TTC9: variants seen among roughly 807,000 people sequenced by gnomAD.
TTC9 encodes the protein tetratricopeptide repeat protein 9A.
Under a neutral mutation model 22.9 loss-of-function variants are expected in TTC9, and 13 were observed. The observed-to-expected ratio is 0.57, with a 90% confidence interval of 0.37 to 0.90. The LOEUF (loss-of-function observed/expected upper bound fraction) is 0.90. TTC9 is among the 40% of genes least tolerant of loss of function. The pLI is 0.01. For missense variants in TTC9, 280 were observed against 291.8 expected (o/e 0.96, Z 0.29); for synonymous variants, 148 against 133.2 (o/e 1.11, Z -0.77).
At chr14:70,657,945 G>A (rs962400259) in intron 1 of TTC9, among the ~76,000 whole-genome samples, 6 of 152,162 alleles carry the variant, frequency 3.9e-5, no homozygotes, top group East Asian at 1.9e-4. Flanking sequence ...CAGCTTGGGC[G>A]ACAGAGCGAG....
chr14:70,660,950 C>G (rs561704025), intron 1 of TTC9, among the ~76,000 whole-genome samples: 1 of 152,320 alleles, frequency 6.6e-6, no homozygotes, highest in East Asian at 1.9e-4. Flanking sequence ...CAGTGACTAG[C>G]AAGGTATATT....
intron 1 of TTC9, among the ~76,000 whole-genome samples, chr14:70,645,232 G>A (rs997484259): frequency 3.3e-5 from 5 of 152,198 alleles, no homozygotes; most frequent in Non-Finnish European, 5.9e-5. Context: ...CAGCTAATAG[G>A]AAAGTATCCT....
intron 1 of TTC9, among the ~76,000 whole-genome samples, chr14:70,651,503 C>T (rs1024148881): frequency 1.3e-5 from 2 of 151,722 alleles, no homozygotes; most frequent in African/African-American, 4.9e-5. Context: ...CAACATTATC[C>T]CACAAAAAAA....
intron 1 of TTC9, among the ~76,000 whole-genome samples, chr14:70,659,956 G>A (rs1566699628): frequency 6.6e-6 from 1 of 152,236 alleles, no homozygotes; most frequent in African/African-American, 2.4e-5. Context: ...AATACTAGAA[G>A]CTAGAATAGA....
In TTC9 at chr14:70,642,345, A is replaced by G; in HGVS notation, c.216A>G (p.Lys72=). ...SQGAQCYKDK[K]FREAIGKYHR... ...GGGCGCAGTGCTACAAGGACAAGAA[A>G]TTCCGTGAAGCCATAGGCAAATACC... Residue 72 remains lysine, a synonymous_variant, in exon 1 of 3, where the codon AAA becomes AAG. Transcript: ENST00000256367. 1 of 1,601,192 alleles carries G rather than the reference A, an allele frequency of 6.2e-7. No individual in the cohort carries two copies. The highest frequency in any genetic ancestry group is 8.5e-7 in the Non-Finnish European group (1 of 1,174,786).
chr14:70,663,098 C>A (rs963230108), intron 1 of TTC9, among the ~76,000 whole-genome samples: 8 of 152,204 alleles, frequency 5.3e-5, no homozygotes, highest in Non-Finnish European at 8.8e-5. Flanking sequence ...TCTTGCCTCA[C>A]AATGAAGTCC....
At position 70,642,192 on chromosome 14, in the gene TTC9, G is replaced by T; in HGVS notation, c.63G>T (p.Glu21Asp). 4.9e-6 allele frequency: 6 copies of T among 1,226,112 alleles called. No individual in the cohort carries two copies. Among genetic ancestry groups the T allele is most frequent in the Non-Finnish European group, 6.1e-6 (6 of 977,910 alleles). The allele number at this position is 1,226,112 out of a possible 1,614,324, so 76.0% of individuals were successfully genotyped here. A position where few individuals can be genotyped will look rare whatever the true frequency, so the allele number is the denominator to read the frequency against. Residue 21 changes from glutamate (E) to aspartate (D), a missense_variant, in exon 1 of 3, where the codon GAG becomes GAT. Physicochemically the swap from Glu to Asp is conservative, Grantham distance 45. Transcript: ENST00000256367. ...ACCCGAGCCCGCCCGCGGCCGGAGA[G>T]GGGCAGCGGCCACCGCCGCCGCTGT... ...KGNPSPPAAG[E>D]GQRPPPPLCV... is the part of the protein sequence containing the mutation.
intron 1 of TTC9, among the ~76,000 whole-genome samples, chr14:70,652,472 A>G (rs1410982798): frequency 4.6e-5 from 7 of 152,260 alleles, no homozygotes; most frequent in Admixed American, 4.6e-4. Context: ...TTGCTGCTGT[A>G]TCTCCCTAGA....
intron 1 of TTC9, among the ~76,000 whole-genome samples, chr14:70,647,630 C>T (rs1350625465): frequency 6.6e-6 from 1 of 152,140 alleles, no homozygotes; most frequent in Non-Finnish European, 1.5e-5. Flanking sequence ...TCATGGGGCT[C>T]CTAGAATTCT....
At chr14:70,653,703 TC>T (rs1886017512) in intron 1 of TTC9, among the ~76,000 whole-genome samples, 1 of 143,450 alleles carries the variant, frequency 7.0e-6, no homozygotes, top group Non-Finnish European at 1.5e-5. Context: ...GCCCCAGGAT[TC>T]CCCCTGACCC....
intron 2 of TTC9, among the ~76,000 whole-genome samples, chr14:70,668,507 T>C (rs971424411): frequency 6.6e-6 from 1 of 152,068 alleles, no homozygotes. Context: ...ATGAAATACT[T>C]AGTAGTAATA....
chr14:70,654,587 C>CAAAAAAAAAAAAAAAAAAAAAAAAAAA (rs61046584), intron 1 of TTC9, among the ~76,000 whole-genome samples: 6 of 57,166 alleles, frequency 1.0e-4, no homozygotes, highest in Non-Finnish European at 1.9e-4. Flanking sequence ...GGCTCTGTCT[C>CAAAAAAAAAAAAAAAAAAAAAAAAAAA]AAAAAAAAAA....
At chr14:70,660,453 T>TATTTG (rs1219719911) in intron 1 of TTC9, among the ~76,000 whole-genome samples, 1 of 152,236 alleles carries the variant, frequency 6.6e-6, no homozygotes, top group African/African-American at 2.4e-5. Context: ...GGGCAAACCA[T>TATTTG]ATTTGATAAG....
At chr14:70,652,950 T>C (rs1886007122) in intron 1 of TTC9, among the ~76,000 whole-genome samples, 1 of 152,134 alleles carries the variant, frequency 6.6e-6, no homozygotes, top group African/African-American at 2.4e-5. Flanking sequence ...TCAGAAAACC[T>C]GAGGGGTAAT....
At position 70,642,533 on chromosome 14, in the gene TTC9, C is replaced by T; in HGVS notation, c.404C>T (p.Ala135Val). ...GAGATCGACTGTTACAACAGCCTGG[C>T]AGGTGAGCCGCGCCGCGCCCCCCGC... ...AIEIDCYNSLAACLLQAELVN... is the reference protein window; with the variant it reads ...AIEIDCYNSLVACLLQAELVN... The change falls in exon 1 of 3, where the codon GCA becomes GTA. Residue 135 changes from alanine (A) to valine (V), a missense_variant and splice_region_variant. This residue lies in a region of TTC9 where 165 missense variants were observed against 145.4 expected (regional missense o/e 1.14). Transcript: ENST00000256367. 6.5e-7 allele frequency: 1 copy of T among 1,537,906 alleles called. No homozygotes were observed.
rs1886321125 is a variant in TTC9 at position 70,673,237 on chromosome 14, A to G, written c.*2082A>G. The G allele has an allele frequency of 6.6e-6, 1 of 152,228 alleles. No individual in the cohort carries two copies. Among genetic ancestry groups the G allele is most frequent in the African/African-American group, 2.4e-5 (1 of 41,454 alleles). 9.4% of individuals were successfully genotyped at this position (152,228 alleles called of 1,614,324 possible). ...ACCGAAAGGAAACACAAAGTTAAAT[A>G]TGGGTTAATTATGTAAGCAGATGCC... On this transcript the variant is annotated 3_prime_UTR_variant, in exon 3 of 3. Coordinates refer to ENST00000256367, the MANE Select transcript of TTC9 (RefSeq NM_015351.2).
intron 1 of TTC9, among the ~76,000 whole-genome samples, chr14:70,647,105 A>G (rs1356174079): frequency 2.0e-5 from 3 of 152,224 alleles, no homozygotes; most frequent in African/African-American, 7.2e-5. Context: ...TTATTAGCAT[A>G]GATTTTACTA....
chr14:70,666,599 C>G (rs1410872692), intron 1 of TTC9, among the ~76,000 whole-genome samples: 2 of 152,182 alleles, frequency 1.3e-5, no homozygotes, highest in African/African-American at 4.8e-5. Flanking sequence ...TATAATCCCT[C>G]CAACAACTAG....
intron 1 of TTC9, among the ~76,000 whole-genome samples, chr14:70,652,252 G>T (rs953737660): frequency 6.6e-6 from 1 of 152,172 alleles, no homozygotes; most frequent in Non-Finnish European, 1.5e-5. Context: ...CAGCTTACTG[G>T]TATGTGCTGA....
Sources: gnomAD v4.1 joint callset for allele counts (sites outside exome capture counted in the v4.1 genomes callset) on GRCh38, gnomAD v4.1.1 for gene constraint, gnomAD v4.1.1 regional missense constraint, MANE v1.5 for transcripts, NCBI Gene and HGNC (gene_info 2026-07-23, HGNC 2026-07-21) for gene names.